The following FOXP2 variants were observed in gnomAD, a reference collection of about 807,000 sequenced individuals.
FOXP2 encodes forkhead box P2.
FOXP2 carries 12 observed loss-of-function variants against 115.8 expected under a neutral mutation model. The observed-to-expected ratio is 0.10, with a 90% CI of 0.07 to 0.17. The LOEUF (loss-of-function observed/expected upper bound fraction) is 0.17. FOXP2 is among the 10% of genes least tolerant of loss of function. The pLI, the probability that FOXP2 is intolerant of heterozygous loss-of-function variation, is 1.00. For synonymous variants in FOXP2, 328 were observed against 297.7 expected, an observed-to-expected ratio of 1.10 and a Z score of -1.05; for missense variants, 629 against 843.5, an observed-to-expected ratio of 0.75 and a Z score of 3.15.
intron 1 of FOXP2, among the ~76,000 whole-genome samples, chr7:114,212,728 A>G (rs1794392224): frequency 6.6e-6 from 1 of 152,242 alleles, no homozygotes. Context: ...ACAAGATGGC[A>G]TAAATTAAGA....
intron 1 of FOXP2, among the ~76,000 whole-genome samples, chr7:114,216,504 G>A (rs893774809): frequency 6.6e-6 from 1 of 151,938 alleles, no homozygotes; most frequent in East Asian, 1.9e-4. Flanking sequence ...TTTGTATTAT[G>A]TTTACATTTT....
At chr7:114,526,091 A>G (rs1798842617) in intron 2 of FOXP2, among the ~76,000 whole-genome samples, 1 of 150,938 alleles carries the variant, frequency 6.6e-6, no homozygotes, top group Non-Finnish European at 1.5e-5. Flanking sequence ...CAGCCTGGAC[A>G]ACAAGAGTGA....
intron 2 of FOXP2, among the ~76,000 whole-genome samples, chr7:114,354,441 T>C (rs1791566773): frequency 6.6e-6 from 1 of 152,154 alleles, no homozygotes; most frequent in African/African-American, 2.4e-5. Context: ...GTTTGGTTTC[T>C]CTGGAGAGCC....
chr7:114,438,140 T>C (rs993432975), intron 2 of FOXP2, among the ~76,000 whole-genome samples: 5 of 152,200 alleles, frequency 3.3e-5, no homozygotes, highest in African/African-American at 1.2e-4. Context: ...ATTTTATTTC[T>C]GCTGGAAATG....
At chr7:114,173,666 C>T (rs555953562) in intron 1 of FOXP2, among the ~76,000 whole-genome samples, 1 of 150,716 alleles carries the variant, frequency 6.6e-6, no homozygotes, top group South Asian at 2.1e-4. Context: ...TTTGATTTGT[C>T]TTGGCCAAAG....
chr7:114,431,289 C>A (rs1490008756), intron 2 of FOXP2, among the ~76,000 whole-genome samples: 1 of 151,904 alleles, frequency 6.6e-6, no homozygotes, highest in South Asian at 2.1e-4. Flanking sequence ...GATGGGGCGC[C>A]TTTTCTCATT....
At chr7:114,652,149 G>A (rs546680047) in intron 8 of FOXP2, 54 bp from the exon 9 acceptor site, 1 of 1,529,668 alleles carries the variant, frequency 6.5e-7, no homozygotes, top group Admixed American at 1.7e-5. Context: ...TGTAGCCTAT[G>A]CCACTAAGAT....
chr7:114,107,291 C>T (rs1791144250), intron 1 of FOXP2, among the ~76,000 whole-genome samples: 1 of 151,930 alleles, frequency 6.6e-6, no homozygotes, highest in Non-Finnish European at 1.5e-5. Context: ...AACTGAAATC[C>T]TCTCCTTTCT....
At chr7:114,561,769 T>G (rs568527214) in intron 3 of FOXP2, among the ~76,000 whole-genome samples, 1 of 152,034 alleles carries the variant, frequency 6.6e-6, no homozygotes, top group East Asian at 1.9e-4. Context: ...CCTATCTTTT[T>G]TGTTGTTTTT....
chr7:114,307,665 A>G (rs1797048033), intron 2 of FOXP2, among the ~76,000 whole-genome samples: 1 of 152,232 alleles, frequency 6.6e-6, no homozygotes, highest in Non-Finnish European at 1.5e-5. Flanking sequence ...TATGATTGCC[A>G]TACATTTCAT....
chr7:114,642,812 A>ATATATTTTTT (rs1308357594), intron 7 of FOXP2, among the ~76,000 whole-genome samples, 189 bp downstream of exon 7: 3 of 72,436 alleles, frequency 4.1e-5, no homozygotes, highest in African/African-American at 1.4e-4. Context: ...ATATATATAT[A>ATATATTTTTT]TTTTTTTTTT....
intron 2 of FOXP2, among the ~76,000 whole-genome samples, chr7:114,333,564 C>G (rs1361108175): frequency 1.3e-5 from 2 of 152,264 alleles, no homozygotes; most frequent in African/African-American, 4.8e-5. Flanking sequence ...ATCAGCCTGG[C>G]TAAAATGGTG....
intron 1 of FOXP2, among the ~76,000 whole-genome samples, chr7:114,274,955 A>G (rs761446876): frequency 3.3e-5 from 5 of 151,958 alleles, no homozygotes; most frequent in Non-Finnish European, 2.9e-5. Context: ...GGCCCCTCTC[A>G]ACACTTTAAA....
intron 2 of FOXP2, among the ~76,000 whole-genome samples, chr7:114,404,355 T>C (rs1792981229): frequency 6.6e-6 from 1 of 152,162 alleles, no homozygotes; most frequent in South Asian, 2.1e-4. Flanking sequence ...GAAAATATCC[T>C]TTTAAAAAGT....
rs560530604 is a variant in FOXP2 at position 114,336,536 on chromosome 7, A to G, written c.-11+48427A>G. Among the ~76,000 whole-genome samples the G allele has an allele frequency of 1.8e-4, 27 of 151,602 alleles. No homozygotes were observed. In the South Asian group the frequency reaches 5.6e-3, roughly 31 times the overall value. Reference sequence around the variant, plus strand: ...CTTATTATAAAGACAATAAATAAATACATTTTCCTAGAAATCCATCTTGAA... The same window carrying G: ...CTTATTATAAAGACAATAAATAAATGCATTTTCCTAGAAATCCATCTTGAA... On this transcript the variant is annotated intron_variant, in intron 2 of 17. Coordinates refer to the FOXP2 transcript ENST00000634411.
chr7:114,609,061 A>G (rs1024250703), intron 3 of FOXP2, among the ~76,000 whole-genome samples: 1 of 151,752 alleles, frequency 6.6e-6, no homozygotes, highest in Non-Finnish European at 1.5e-5. Context: ...AAACAAAACA[A>G]AATTAGCTGG....
intron 2 of FOXP2, among the ~76,000 whole-genome samples, chr7:114,505,668 G>A (rs1797777025): frequency 6.6e-6 from 1 of 151,304 alleles, no homozygotes; most frequent in South Asian, 2.1e-4. Context: ...TTTTGGGGGG[G>A]TCTTCATTTC....
At position 114,474,812 on chromosome 7, in the gene FOXP2, G is replaced by T. The variant is rs114220386; in HGVS notation, c.168+48133G>T. Among the ~76,000 whole-genome samples, 673 of 152,040 alleles carry T rather than the reference G, an allele frequency of 4.4e-3. 8 individuals are homozygous for T. The highest frequency in any genetic ancestry group is 0.015 in the African/African-American group (632 of 41,484). ...CACATGTCATTGCCTGAGCTTCTTT[G>T]TCTGTCAATCTCACATATTCATATT... On this transcript the variant is annotated intron_variant, in intron 2 of 16. Coordinates refer to ENST00000350908, the MANE Select transcript of FOXP2 (RefSeq NM_014491.4).
chr7:114,246,286 C>G (rs1015195532), intron 1 of FOXP2, among the ~76,000 whole-genome samples: 2 of 151,992 alleles, frequency 1.3e-5, no homozygotes, highest in African/African-American at 4.8e-5. Flanking sequence ...CTAGCTAAAT[C>G]TGGGCTAGCA....
Sources: allele counts gnomAD v4.1 joint callset (sites outside exome capture counted in the v4.1 genomes callset), GRCh38; gene constraint gnomAD v4.1.1; transcripts MANE v1.5; gene names NCBI Gene and HGNC (gene_info 2026-07-23, HGNC 2026-07-21).